ACOT9: variants seen among roughly 807,000 people sequenced by gnomAD.
ACOT9 encodes the protein acyl-coenzyme A thioesterase 9, mitochondrial.
Under a neutral mutation model 39.7 loss-of-function variants are expected in ACOT9, and 34 were observed. The observed-to-expected ratio is 0.86, with a 90% confidence interval of 0.65 to 1.14. The LOEUF (loss-of-function observed/expected upper bound fraction) is 1.14. Ranked by LOEUF, ACOT9 falls within the 50% of genes most tolerant of loss-of-function variation. The pLI is 0.00. For missense variants in ACOT9, 313 were observed against 344.1 expected, an observed-to-expected ratio of 0.91 and a Z score of 0.71; for synonymous variants, 110 against 120.5, an observed-to-expected ratio of 0.91 and a Z score of 0.57.
At chrX:23,723,093 T>A (rs774217674) in intron 6 of ACOT9, among the ~76,000 whole-genome samples, 42 of 111,369 alleles carry the variant, frequency 3.8e-4, no homozygotes, top group African/African-American at 1.4e-3. Flanking sequence ...TCAAACATCT[T>A]CAGGAAAGAG....
intron 8 of ACOT9, among the ~76,000 whole-genome samples, chrX:23,714,845 G>A (rs1350171642): frequency 9.0e-6 from 1 of 111,014 alleles, no homozygotes; most frequent in Non-Finnish European, 1.9e-5. Flanking sequence ...GACCTCCTGA[G>A]CTCAAGGAAT....
chrX:23,704,154 TTGGC>T (rs1319012434), intron 15 of ACOT9, among the ~76,000 whole-genome samples, 172 bp from the exon 16 acceptor site: 1 of 105,233 alleles, frequency 9.5e-6, no homozygotes, highest in Admixed American at 1.0e-4. Context: ...TCCCCTTCCT[TTGGC>T]TGGATCAGTT....
rs1928472052 is a variant in ACOT9 at position 23,701,095 on chromosome X, A to C, written c.*2799T>G. Among the ~76,000 whole-genome samples, 1 of 112,166 alleles carries C rather than the reference A, an allele frequency of 8.9e-6. No homozygotes were observed. The highest frequency in any genetic ancestry group is 1.9e-5 in the Non-Finnish European group (1 of 53,294). ...GATATTTACTGCAACATTGTTTATA[A>C]TAGCAAAAAAGAAATACTAGAAAAA... is the stretch of plus-strand genomic sequence containing the variant. On this transcript the variant is annotated 3_prime_UTR_variant, in exon 16 of 16. Coordinates refer to ENST00000379303, the MANE Select transcript of ACOT9 (RefSeq NM_001037171.2).
At chrX:23,734,259 C>T in intron 3 of ACOT9, 82 bp downstream of exon 3, 1 of 852,478 alleles carries the variant, frequency 1.2e-6, no homozygotes, top group Non-Finnish European at 1.7e-6. Context: ...GTTAATGCCA[C>T]TGCCCAAAAG....
chrX:23,734,698 G>A (rs1483599970), intron 2 of ACOT9, among the ~76,000 whole-genome samples: 1 of 111,290 alleles, frequency 9.0e-6, no homozygotes. Context: ...TAGTAACTTA[G>A]TCTTATTTCT....
At chrX:23,715,562 G>T (rs1164051299) in intron 8 of ACOT9, among the ~76,000 whole-genome samples, 1 of 110,139 alleles carries the variant, frequency 9.1e-6, no homozygotes, top group East Asian at 2.9e-4. Flanking sequence ...CTATGGAGGG[G>T]GGTAACCAAG....
At position 23,735,665 on chromosome X, in the gene ACOT9, A is replaced by G. The variant is rs948084538; in HGVS notation, c.118+254T>C. On this transcript the variant is annotated intron_variant, in intron 2 of 15. Coordinates refer to ENST00000379303, the MANE Select transcript of ACOT9 (RefSeq NM_001037171.2). ...ATGCCTTCAGAACCTACACACAGGA[A>G]GTGGAAATCACCTAACTAAAAGAGC... Among the ~76,000 whole-genome samples the G allele has an allele frequency of 2.7e-5, 3 of 111,391 alleles. No homozygotes were observed. The South Asian group carries it at 1.1e-3, about 42-fold the overall frequency.
chrX:23,740,762 A>ACACC (rs1274920170), intron 1 of ACOT9, among the ~76,000 whole-genome samples: 13 of 87,651 alleles, frequency 1.5e-4, no homozygotes, highest in South Asian at 1.1e-3. Context: ...ACACACACAC[A>ACACC]CCGCACTGAG....
chrX:23,739,986 C>T (rs1487739571), intron 1 of ACOT9, among the ~76,000 whole-genome samples: 1 of 111,403 alleles, frequency 9.0e-6, no homozygotes, highest in Non-Finnish European at 1.9e-5. Flanking sequence ...AAATACATTC[C>T]TGTGGCACAA....
rs370449205 is a variant in ACOT9, at chrX:23,707,061, C to T, written c.731-322G>A. On this transcript the variant is annotated intron_variant, in intron 10 of 15. Coordinates refer to ENST00000379303, the MANE Select transcript of ACOT9 (RefSeq NM_001037171.2). The stretch of plus-strand genomic sequence containing the variant: ...CCTGTAATCCCAACACTTTGGGAGG[C>T]GGAGGCAGGAGGATTGCTTGAGTCC... 87 of 141,941 alleles carry T rather than the reference C, an allele frequency of 6.1e-4. No individual in the cohort carries two copies. The East Asian group carries it at 0.013, about 21-fold the overall frequency. 11.7% of individuals were successfully genotyped at this position (141,941 alleles called of 1,213,427 possible).
At chrX:23,724,680 G>A (rs372124371) in intron 6 of ACOT9, among the ~76,000 whole-genome samples, 2 of 111,067 alleles carry the variant, frequency 1.8e-5, no homozygotes, top group East Asian at 2.8e-4. Context: ...GGCTAAGATG[G>A]GAGGATGCTT....
chrX:23,734,154 C>G (rs768710420), intron 3 of ACOT9, among the ~76,000 whole-genome samples, 187 bp downstream of exon 3: 1 of 112,016 alleles, frequency 8.9e-6, no homozygotes, highest in African/African-American at 3.2e-5. Context: ...TAATTAATTT[C>G]TCATATATTT....
At chrX:23,722,853 T>C (rs1929369381) in intron 6 of ACOT9, 100 bp from the exon 7 acceptor site, 1 of 506,280 alleles carries the variant, frequency 2.0e-6, no homozygotes, top group Admixed American at 3.3e-5. Context: ...TTGTCTCGCT[T>C]GGAAGATCCA....
chrX:23,725,310 A>C (rs1929471343), intron 6 of ACOT9, among the ~76,000 whole-genome samples: 1 of 106,711 alleles, frequency 9.4e-6, no homozygotes, highest in African/African-American at 3.4e-5. Flanking sequence ...ATCTCTACTA[A>C]AGATACAAAA....
In ACOT9 at chrX:23,712,482, T is replaced by G. The variant is rs552857793; in HGVS notation, c.662+653A>C. Among the ~76,000 whole-genome samples the G allele has an allele frequency of 7.3e-5, 8 of 109,508 alleles. No homozygotes were observed. In the South Asian group the frequency reaches 3.1e-3, roughly 42 times the overall value. ...TTGTCATGCCTAACAAAAAATTACA[T>G]TTGATTTTTATGTCTGTAAGTCTGT... On this transcript the variant is annotated intron_variant, in intron 9 of 15. Coordinates refer to ENST00000379303, the MANE Select transcript of ACOT9 (RefSeq NM_001037171.2).
chrX:23,740,291 C>T (rs968430054), intron 1 of ACOT9, among the ~76,000 whole-genome samples: 1 of 109,479 alleles, frequency 9.1e-6, no homozygotes, highest in Non-Finnish European at 1.9e-5. Flanking sequence ...GTTTTTAGTA[C>T]AGACAGGGCT....
intron 1 of ACOT9, 45 bp downstream of exon 1, chrX:23,743,080 C>T: frequency 8.9e-7 from 1 of 1,126,837 alleles, no homozygotes; most frequent in Non-Finnish European, 1.2e-6. Context: ...ACGATGGCAC[C>T]CCAGGCTACC....
At chrX:23,708,913 T>C (rs1258661383) in intron 9 of ACOT9, among the ~76,000 whole-genome samples, 1 of 112,217 alleles carries the variant, frequency 8.9e-6, no homozygotes, top group Non-Finnish European at 1.9e-5. Flanking sequence ...ATGTGTGTAT[T>C]TGTAGAGAGA....
intron 9 of ACOT9, among the ~76,000 whole-genome samples, chrX:23,708,518 G>A (rs1293308254): frequency 2.2e-5 from 2 of 90,732 alleles, no homozygotes; most frequent in South Asian, 5.5e-4. Context: ...CAACAAGAGC[G>A]AAACTCTGTC....
Sources: gnomAD v4.1 joint callset for allele counts (sites outside exome capture counted in the v4.1 genomes callset) on GRCh38, gnomAD v4.1.1 for gene constraint, MANE v1.5 for transcripts, NCBI Gene and HGNC (gene_info 2026-07-23, HGNC 2026-07-21) for gene names.